The following OTOA variants were observed in gnomAD, a reference collection of about 807,000 sequenced individuals.
OTOA encodes the protein cancer/testis antigen 108.
In OTOA, 70 loss-of-function variants were observed where a neutral mutation model predicts 110.8. The ratio of observed to expected loss-of-function variants is 0.63; its 90% confidence interval spans 0.52 to 0.77. The LOEUF is 0.77. Among genes scored for constraint, OTOA ranks in the 30% least tolerant of loss-of-function variants. The pLI is 0.00. For synonymous variants in OTOA, 373 were observed against 431.5 expected (o/e 0.86, Z 1.68); for missense variants, 917 against 1,075.8 (o/e 0.85, Z 2.06).
chr16:21,699,784 T>A (rs1205138239), intron 10 of OTOA, among the ~76,000 whole-genome samples: 1 of 152,102 alleles, frequency 6.6e-6, no homozygotes, highest in African/African-American at 2.4e-5. Flanking sequence ...CCGGGCATGT[T>A]TGCACATGCC....
chr16:21,700,940 A>G lies in OTOA; in HGVS notation c.893A>G (p.Tyr298Cys), dbSNP rs754251005. The G allele has an allele frequency of 6.2e-7, 1 of 1,614,036 alleles. No individual in the cohort carries two copies. The highest frequency in any genetic ancestry group is 1.1e-5 in the South Asian group (1 of 91,070). Residue 298 changes from tyrosine (Y) to cysteine (C), a missense_variant, in exon 11 of 29, where the codon TAT becomes TGT. Around this residue, in one of 6 missense-constraint regions of OTOA, gnomAD observed 840 missense variants for 910.2 expected, o/e 0.92. Transcript: ENST00000646100. Reference sequence around the variant, plus strand: ...GCCACCAAGCAGCTGGACATGGTCTATGACATCACACCTGAGCTGGCCCAG... The same window carrying G: ...GCCACCAAGCAGCTGGACATGGTCTGTGACATCACACCTGAGCTGGCCCAG... ...DNATKQLDMV[Y>C]DITPELAQAF...
chr16:21,725,660 G>A (rs945127645), intron 18 of OTOA, among the ~76,000 whole-genome samples: 1 of 152,164 alleles, frequency 6.6e-6, no homozygotes, highest in Non-Finnish European at 1.5e-5. Flanking sequence ...AGGAGTGTGG[G>A]ATAGCATAGA....
At chr16:21,681,054 T>C (rs1301676967) in intron 5 of OTOA, among the ~76,000 whole-genome samples, 3 of 152,126 alleles carry the variant, frequency 2.0e-5, no homozygotes, top group African/African-American at 7.2e-5. Flanking sequence ...AGGATTCAAA[T>C]CCAGTTTGGA....
chr16:21,732,240 C>A (rs1421859604), intron 21 of OTOA, among the ~76,000 whole-genome samples: 1 of 152,262 alleles, frequency 6.6e-6, no homozygotes, highest in Non-Finnish European at 1.5e-5. Flanking sequence ...GCTGGGATTA[C>A]AGGCGTGAGC....
At chr16:21,679,595 G>C (rs1357692102) in intron 5 of OTOA, among the ~76,000 whole-genome samples, 2 of 151,916 alleles carry the variant, frequency 1.3e-5, no homozygotes, top group African/African-American at 4.8e-5. Flanking sequence ...AGTAGAGATG[G>C]GTTTTCACCA....
intron 1 of OTOA, among the ~76,000 whole-genome samples, chr16:21,674,896 C>CTTT (rs60269668): frequency 0.01 from 298 of 29,776 alleles, 73 homozygotes; most frequent in African/African-American, 0.03. Flanking sequence ...TTTTAAAAAT[C>CTTT]TTTTTTTTTT....
intron 12 of OTOA, among the ~76,000 whole-genome samples, chr16:21,708,605 C>G (rs1025708747): frequency 2.0e-5 from 3 of 152,180 alleles, no homozygotes; most frequent in African/African-American, 7.2e-5. Context: ...TCCACCCCTT[C>G]GTTTTACAGA....
chr16:21,759,255 A>G (rs62045989), intron 28 of OTOA, among the ~76,000 whole-genome samples: 32 of 152,114 alleles, frequency 2.1e-4, no homozygotes, highest in Non-Finnish European at 4.0e-4. Context: ...GTCCAGAGAT[A>G]TTCTATGCAT....
intron 10 of OTOA, among the ~76,000 whole-genome samples, chr16:21,698,705 C>T (rs1436763205): frequency 6.6e-6 from 1 of 152,098 alleles, no homozygotes; most frequent in Non-Finnish European, 1.5e-5. Context: ...ACCTAGGGGG[C>T]TGGGAGTATT....
chr16:21,752,189 CTT>C (rs1839503151), intron 25 of OTOA, 112 bp downstream of exon 25: 1 of 311,510 alleles, frequency 3.2e-6, no homozygotes, highest in African/African-American at 2.6e-5. Flanking sequence ...CCTCCTGACA[CTT>C]GGCACCTTTC....
At chr16:21,737,986 T>C (rs1383216764) in intron 22 of OTOA, among the ~76,000 whole-genome samples, 6 of 152,300 alleles carry the variant, frequency 3.9e-5, no homozygotes, top group Non-Finnish European at 7.3e-5. Context: ...ATAAAGAGCT[T>C]ACTTTCAAAT....
chr16:21,711,204 G>T (rs1294279423), intron 13 of OTOA, among the ~76,000 whole-genome samples: 1 of 152,188 alleles, frequency 6.6e-6, no homozygotes, highest in Non-Finnish European at 1.5e-5. Flanking sequence ...CTGTTAAGCT[G>T]CTATTAGGTT....
At chr16:21,685,091 G>A (rs908311006) in intron 6 of OTOA, 139 bp from the exon 7 acceptor site, 13 of 1,217,824 alleles carry the variant, frequency 1.1e-5, no homozygotes, top group South Asian at 8.6e-5. Context: ...AAATTTGGAG[G>A]TGGCCAAACC....
intron 11 of OTOA, among the ~76,000 whole-genome samples, chr16:21,703,909 TGATGTGCTAC>T (rs1898102787): frequency 6.6e-6 from 1 of 152,160 alleles, no homozygotes; most frequent in South Asian, 2.1e-4. Context: ...ATGTTTATTA[TGATGTGCTAC>T]GATGAACAAA....
At chr16:21,721,250 C>CACAT (rs1267438074) in intron 17 of OTOA, 6 of 446,598 alleles carry the variant, frequency 1.3e-5, no homozygotes, top group Admixed American at 2.4e-5. Context: ...CACACACACA[C>CACAT]ACACACACAC....
chr16:21,701,133 T>C (rs1898045366), intron 11 of OTOA, 106 bp downstream of exon 11: 1 of 1,527,996 alleles, frequency 6.5e-7, no homozygotes, highest in South Asian at 1.1e-5. Context: ...AGGTGGCTGG[T>C]CCATCTCTTT....
intron 17 of OTOA, chr16:21,721,295 G>A (rs930907039): frequency 7.3e-5 from 33 of 452,260 alleles, no homozygotes; most frequent in Non-Finnish European, 1.4e-4. Context: ...CCAATACAGA[G>A]AAAGTAAAAT....
chr16:21,679,972 C>G (rs532799486), intron 5 of OTOA, among the ~76,000 whole-genome samples: 1 of 152,070 alleles, frequency 6.6e-6, no homozygotes, highest in South Asian at 2.1e-4. Flanking sequence ...GGGCAGGGAA[C>G]TAGGTAGTGT....
Position 21,719,521 on chromosome 16 carries a change from T to G in OTOA, c.1806+17T>G, listed in dbSNP as rs1309860987. ...CCCTATCAGGTACCGTTAAAGCATT[T>G]TCCAGCTTCTAATTCTCTCTCCCTA... On this transcript the variant is annotated intron_variant, in intron 17 of 28. Coordinates refer to ENST00000646100, the MANE Select transcript of OTOA (RefSeq NM_144672.4). 1 of 1,604,336 alleles carries G rather than the reference T, an allele frequency of 6.2e-7. No individual in the cohort carries two copies.
Sources: allele counts gnomAD v4.1 joint callset (sites outside exome capture counted in the v4.1 genomes callset), GRCh38; gene constraint gnomAD v4.1.1; regional missense constraint gnomAD v4.1.1; transcripts MANE v1.5; gene names NCBI Gene and HGNC (gene_info 2026-07-23, HGNC 2026-07-21).